Variants in SPECC1L observed in about 807,000 individuals in gnomAD.
SPECC1L encodes the protein cytospin-A.
Under a neutral mutation model 116.8 loss-of-function variants are expected in SPECC1L, and 40 were observed. The ratio of observed to expected loss-of-function variants is 0.34; its 90% CI spans 0.27 to 0.45. The LOEUF (loss-of-function observed/expected upper bound fraction) is 0.45, where lower values mean the gene tolerates loss of function less well. SPECC1L is among the 20% of genes least tolerant of loss of function. SPECC1L has a pLI of 1.00. For missense variants in SPECC1L, 1,110 were observed against 1,373.6 expected (o/e 0.81, Z 3.03); for synonymous variants, 504 against 500.6 (o/e 1.01, Z -0.09).
In SPECC1L at chr22:24,403,254, G is replaced by C. The variant is rs376026361; in HGVS notation, c.3088-8334G>C. ...TGGCACATGTCATCTCTCTTGTTTT[G>C]TCGACCCTAATCCAAACATGGAATT... On this transcript the variant is annotated intron_variant, in intron 14 of 16. Coordinates refer to ENST00000314328, the MANE Select transcript of SPECC1L (RefSeq NM_015330.6). 4.6e-5 allele frequency among the ~76,000 whole-genome samples: 7 copies of C among 151,996 alleles called. No individual in the cohort carries two copies. The East Asian group carries it at 1.3e-3, about 29-fold the overall frequency.
chr22:24,283,297 C>G (rs2146343123), intron 2 of SPECC1L, among the ~76,000 whole-genome samples: 1 of 152,072 alleles, frequency 6.6e-6, no homozygotes, highest in African/African-American at 2.4e-5. Flanking sequence ...CCAGGATGGT[C>G]TCGATCTCCT....
intron 14 of SPECC1L, among the ~76,000 whole-genome samples, chr22:24,383,852 C>T (rs2042111739): frequency 8.5e-6 from 1 of 118,178 alleles, no homozygotes; most frequent in East Asian, 2.6e-4. Flanking sequence ...GGGGTTTTGC[C>T]ATGTTGTCCA....
At chr22:24,368,187 AT>A (rs771202680) in intron 13 of SPECC1L, among the ~76,000 whole-genome samples, 3 of 152,220 alleles carry the variant, frequency 2.0e-5, no homozygotes, top group Non-Finnish European at 4.4e-5. Context: ...AATGAATCAT[AT>A]GTATAGCCAC....
chr22:24,360,675 G>C (rs1033693913), intron 11 of SPECC1L, among the ~76,000 whole-genome samples: 1 of 152,090 alleles, frequency 6.6e-6, no homozygotes, highest in African/African-American at 2.4e-5. Flanking sequence ...CAAGCACCTT[G>C]TTTTGATTTA....
intron 14 of SPECC1L, among the ~76,000 whole-genome samples, chr22:24,390,400 CT>C (rs2042241175): frequency 6.6e-6 from 1 of 152,084 alleles, no homozygotes; most frequent in South Asian, 2.1e-4. Flanking sequence ...ATTTCCTCTT[CT>C]ATAACTGGAA....
At chr22:24,315,692 C>G (rs2040548366) in intron 4 of SPECC1L, among the ~76,000 whole-genome samples, 1 of 152,210 alleles carries the variant, frequency 6.6e-6, no homozygotes, top group African/African-American at 2.4e-5. Context: ...GATTAGCTGC[C>G]CCAGTATGGC....
At chr22:24,334,999 G>A (rs913247590) in intron 9 of SPECC1L, among the ~76,000 whole-genome samples, 2 of 152,150 alleles carry the variant, frequency 1.3e-5, no homozygotes, top group African/African-American at 4.8e-5. Context: ...ACTCTTGTCT[G>A]CCATCTTCAG....
intron 4 of SPECC1L, among the ~76,000 whole-genome samples, chr22:24,319,982 T>G (rs1256048774): frequency 6.6e-6 from 1 of 152,226 alleles, no homozygotes; most frequent in Non-Finnish European, 1.5e-5. Context: ...GTAAGTGCGG[T>G]GGCTCACGCC....
intron 11 of SPECC1L, among the ~76,000 whole-genome samples, chr22:24,361,600 A>G (rs1182051720): frequency 6.6e-6 from 1 of 152,126 alleles, no homozygotes; most frequent in Non-Finnish European, 1.5e-5. Context: ...GTTTGAGACC[A>G]GCCTGGGCAA....
chr22:24,273,192 C>CTT (rs2048763600), intron 1 of SPECC1L, among the ~76,000 whole-genome samples: 1 of 152,148 alleles, frequency 6.6e-6, no homozygotes, highest in Non-Finnish European at 1.5e-5. Flanking sequence ...CTATAACTGA[C>CTT]TTGACACACA....
intron 3 of SPECC1L, among the ~76,000 whole-genome samples, chr22:24,306,118 G>T (rs1428798576): frequency 1.3e-5 from 2 of 152,020 alleles, no homozygotes; most frequent in Non-Finnish European, 2.9e-5. Context: ...TGTTGGTCAG[G>T]CTGGTCTTGA....
At position 24,277,101 on chromosome 22, in the gene SPECC1L, C is replaced by G. The variant is rs2048851427; in HGVS notation, c.-38+298C>G. 2.0e-5 allele frequency among the ~76,000 whole-genome samples: 3 copies of G among 152,378 alleles called. 1 individual carries two copies. In the East Asian group the frequency reaches 5.8e-4, roughly 29 times the overall value. ...GCTTCGTCTCCCCCATTACAAACTA[C>G]TTACTGGGTTTTTCAACCCTAGTTC... On this transcript the variant is annotated intron_variant, in intron 2 of 16. Coordinates refer to ENST00000314328, the MANE Select transcript of SPECC1L (RefSeq NM_015330.6).
intron 6 of SPECC1L, among the ~76,000 whole-genome samples, chr22:24,327,380 A>G (rs1051049817): frequency 1.3e-5 from 2 of 152,068 alleles, no homozygotes; most frequent in Non-Finnish European, 2.9e-5. Context: ...TTCTAGTGGA[A>G]CAGGGGTAAA....
At chr22:24,314,736 G>A (rs1308131818) in intron 4 of SPECC1L, among the ~76,000 whole-genome samples, 4 of 152,162 alleles carry the variant, frequency 2.6e-5, no homozygotes, top group African/African-American at 9.7e-5. Flanking sequence ...GGAGCCTTAT[G>A]GGACAGATTC....
intron 16 of SPECC1L, 97 bp from the exon 17 acceptor site, chr22:24,414,437 C>A: frequency 1.0e-6 from 1 of 954,398 alleles, no homozygotes; most frequent in Non-Finnish European, 1.7e-6. Flanking sequence ...TTCAAGGCCC[C>A]ATCCAACTCC....
intron 3 of SPECC1L, among the ~76,000 whole-genome samples, chr22:24,305,479 C>A (rs1044071300): frequency 6.6e-6 from 1 of 152,184 alleles, no homozygotes. Context: ...ACTGTTGCAT[C>A]TAGCAGCGGT....
chr22:24,369,862 C>G (rs536690242), intron 14 of SPECC1L, among the ~76,000 whole-genome samples: 1 of 152,300 alleles, frequency 6.6e-6, no homozygotes, highest in East Asian at 1.9e-4. Context: ...GGAGAGCAGA[C>G]TCTAATTCTC....
At chr22:24,330,490 A>C in intron 8 of SPECC1L, 59 bp downstream of exon 8, 1 of 1,569,576 alleles carries the variant, frequency 6.4e-7, no homozygotes, top group South Asian at 1.1e-5. Context: ...TTAAATCCCA[A>C]TTTTTGATGT....
intron 4 of SPECC1L, among the ~76,000 whole-genome samples, chr22:24,315,633 C>G (rs1190093693): frequency 6.6e-6 from 1 of 152,212 alleles, no homozygotes; most frequent in African/African-American, 2.4e-5. Flanking sequence ...TACTTAGTTT[C>G]TTACTGACTG....
Sources: allele counts gnomAD v4.1 joint callset (sites outside exome capture counted in the v4.1 genomes callset), GRCh38; gene constraint gnomAD v4.1.1; transcripts MANE v1.5; gene names NCBI Gene and HGNC (gene_info 2026-07-23, HGNC 2026-07-21).